The following ERBB2 variants were observed in gnomAD, a reference collection of about 807,000 sequenced individuals.
ERBB2 encodes erb-b2 receptor tyrosine kinase 2, also known as receptor tyrosine-protein kinase erbB-2.
In ERBB2, 61 loss-of-function variants were observed where a neutral mutation model predicts 149.0. That is an observed-to-expected ratio of 0.41 (90% CI 0.33 to 0.51). The LOEUF is 0.51. Ranked by LOEUF, ERBB2 falls within the 20% of genes least tolerant of loss-of-function variation. ERBB2 has a pLI of 0.25. For synonymous variants in ERBB2, 633 were observed against 678.8 expected, an observed-to-expected ratio of 0.93 and a Z score of 1.05; for missense variants, 1,205 against 1,655.1, an observed-to-expected ratio of 0.73 and a Z score of 4.72.
rs2145574915 is a variant in ERBB2 at position 39,712,319 on chromosome 17, C to T, written c.1022-3C>T. ...CCTTCCCCACCCACCCCCACCTCCT[C>T]AGTGTGCTATGGTCTGGGCATGGAG... On this transcript the variant is annotated splice_region_variant and splice_polypyrimidine_tract_variant and intron_variant, in intron 8 of 26. Transcript: ENST00000269571. 2 of 1,610,680 alleles carry T rather than the reference C, an allele frequency of 1.2e-6. No individual in the cohort carries two copies. The highest frequency in any genetic ancestry group is 8.5e-7 in the Non-Finnish European group (1 of 1,177,148).
chr17:39,716,643 G>T (rs775274462), intron 14 of ERBB2, 38 bp downstream of exon 14: 2 of 1,575,966 alleles, frequency 1.3e-6, no homozygotes, highest in Non-Finnish European at 1.7e-6. Context: ...GTGGAGGGGG[G>T]CAGCGAGGGG....
chr17:39,725,469 G>T lies in ERBB2; in HGVS notation c.2725+67G>T. The T allele has an allele frequency of 1.3e-6, 2 of 1,524,814 alleles. No homozygotes were observed. Among genetic ancestry groups the T allele is most frequent in the Non-Finnish European group, 9.1e-7 (1 of 1,102,376 alleles). 94.5% of individuals were successfully genotyped at this position (1,524,814 alleles called of 1,614,324 possible). ...TGGCTGGAGGGAGGATGAGAGCTGGGATGGGGAGAATTACGGGGCCACCTC... is the reference window on the plus strand; with the variant it reads ...TGGCTGGAGGGAGGATGAGAGCTGGTATGGGGAGAATTACGGGGCCACCTC... On this transcript the variant is annotated intron_variant, in intron 22 of 26. Coordinates refer to ENST00000269571, the MANE Select transcript of ERBB2 (RefSeq NM_004448.4). This position sits in a 1 kb window ranked among gnomAD's most constrained non-coding sequence, Gnocchi z 4.6.
At chr17:39,715,646 A>G (rs2059076314) in intron 11 of ERBB2, 94 bp from the exon 12 acceptor site, 1 of 1,560,192 alleles carries the variant, frequency 6.4e-7, no homozygotes, top group African/African-American at 1.4e-5. Flanking sequence ...TTTCCATGAA[A>G]GTCTGCAGAG....
At chr17:39,706,449 C>T (rs2058443491) in intron 1 of ERBB2, among the ~76,000 whole-genome samples, 1 of 152,188 alleles carries the variant, frequency 6.6e-6, no homozygotes, top group African/African-American at 2.4e-5. Flanking sequence ...GCCTCAGCTG[C>T]AACTCCAGCT....
chr17:39,699,418 G>A (rs1056514333), upstream of ERBB2: 21 of 715,076 alleles, frequency 2.9e-5, no homozygotes, highest in Admixed American at 1.6e-4. Flanking sequence ...CAGAGATCGC[G>A]CCATTGCTCT....
At position 39,723,246 on chromosome 17, in the gene ERBB2, TCCCCCGTGGG is replaced by T; in HGVS notation, c.1947-67_1947-58del. On this transcript the variant is annotated intron_variant, in intron 16 of 26. Coordinates refer to ENST00000269571, the MANE Select transcript of ERBB2 (RefSeq NM_004448.4). The surrounding 1 kb of genome is among the most constrained non-coding windows in gnomAD (Gnocchi z 6.2). ...TTTCCGAATGCCAAACACCTTCATGTCCCCCGTGGGCCCCCTTTGTCCCTCCCACCCCAAA... is the reference window on the plus strand; with the variant it reads ...TTTCCGAATGCCAAACACCTTCATGTCCCCCTTTGTCCCTCCCACCCCAAA... 1 of 1,475,450 alleles carries T rather than the reference TCCCCCGTGGG, an allele frequency of 6.8e-7. No homozygotes were observed. Among genetic ancestry groups the T allele is most frequent in the South Asian group, 1.2e-5 (1 of 83,544 alleles). 91.4% of individuals were successfully genotyped at this position (1,475,450 alleles called of 1,614,324 possible).
chr17:39,694,216 A>T (rs2057781264), upstream of ERBB2, among the ~76,000 whole-genome samples: 10 of 50,238 alleles, frequency 2.0e-4, no homozygotes, highest in African/African-American at 8.0e-4. Flanking sequence ...AAAAAAAAAA[A>T]AAAAAAAAAA....
At chr17:39,712,079 A>G (rs1281145449) in intron 8 of ERBB2, 32 bp downstream of exon 8, 1 of 1,613,518 alleles carries the variant, frequency 6.2e-7, no homozygotes, top group South Asian at 1.1e-5. Context: ...GGCCAGCTGC[A>G]GTTCCTGTCC....
chr17:39,698,123 G>T (rs550777900), upstream of ERBB2, among the ~76,000 whole-genome samples: 1 of 152,252 alleles, frequency 6.6e-6, no homozygotes, highest in Admixed American at 6.5e-5. Context: ...CAAGTATTGC[G>T]CTGAGTGCTT....
At chr17:39,693,680 C>A (rs2145203348), upstream of ERBB2, among the ~76,000 whole-genome samples, 1 of 151,340 alleles carries the variant, frequency 6.6e-6, no homozygotes, top group South Asian at 2.1e-4. Flanking sequence ...ATTGCTTGAA[C>A]CCGGGAGGCA....
Position 39,724,272 on chromosome 17 carries a change from A to ATTTTTTTTT in ERBB2, c.2307+270_2307+278dup, listed in dbSNP as rs71149796. Among the ~76,000 whole-genome samples the ATTTTTTTTT allele has an allele frequency of 5.3e-3, 410 of 76,958 alleles. 88 individuals are homozygous for ATTTTTTTTT. The highest frequency in any genetic ancestry group is 6.5e-3 in the Non-Finnish European group (241 of 37,200). 50.5% of individuals were successfully genotyped at this position (76,958 alleles called of 152,430 possible). A position where few individuals can be genotyped will look rare whatever the true frequency, so the allele number is the denominator to read the frequency against. On this transcript the variant is annotated intron_variant, in intron 19 of 26. Transcript: ENST00000269571. Reference sequence around the variant, plus strand: ...TAGCTGGGATTACAAGCGCCCGCTAATTTTTTTTTTTTTTTTGAGACAGAG... The same window carrying ATTTTTTTTT: ...TAGCTGGGATTACAAGCGCCCGCTAATTTTTTTTTTTTTTTTTTTTTTTTTGAGACAGAG...
intron 1 of ERBB2, among the ~76,000 whole-genome samples, chr17:39,705,376 G>A (rs1302514202): frequency 2.6e-5 from 4 of 152,204 alleles, no homozygotes; most frequent in East Asian, 1.9e-4. Context: ...GGCTGAGGCC[G>A]GGGGAGGTCC....
rs763563796 is a variant in ERBB2 at position 39,725,413 on chromosome 17, G to A, written c.2725+11G>A. ...ATGTGTGGAGTTATGGTGTGTGATG[G>A]GGGGTGTTGGGAGGGGTGGGTGAGG... On this transcript the variant is annotated intron_variant, in intron 22 of 26. Transcript: ENST00000269571. The surrounding 1 kb of genome is among the most constrained non-coding windows in gnomAD (Gnocchi z 4.6). 2 of 1,612,306 alleles carry A rather than the reference G, an allele frequency of 1.2e-6. No homozygotes were observed. Among genetic ancestry groups the A allele is most frequent in the South Asian group, 1.1e-5 (1 of 91,040 alleles).
chr17:39,718,450 A>T (rs1182980288), intron 15 of ERBB2, among the ~76,000 whole-genome samples: 1 of 152,202 alleles, frequency 6.6e-6, no homozygotes, highest in East Asian at 1.9e-4. Flanking sequence ...TTATATAGAC[A>T]TACTACATTT....
At chr17:39,718,987 A>G (rs2059302292) in intron 15 of ERBB2, among the ~76,000 whole-genome samples, 1 of 151,628 alleles carries the variant, frequency 6.6e-6, no homozygotes, top group Non-Finnish European at 1.5e-5. Context: ...CAGGCTGGGC[A>G]TGGTGGCTCA....
rs902176150 is a variant in ERBB2 at position 39,719,272 on chromosome 17, GA to G, written c.1899-504del. ...TGCAACTCCTTCTCAAGAAAAAAAA[GA>G]AAAAAAAAAAGAATATGGGTCCAGA... On this transcript the variant is annotated intron_variant, in intron 15 of 26. Transcript: ENST00000269571. 1.4e-3 allele frequency among the ~76,000 whole-genome samples: 191 copies of G among 139,776 alleles called. 6 individuals carry two copies. The East Asian group carries it at 0.023, about 17-fold the overall frequency. The allele number at this position is 139,776 out of a possible 152,430, so 91.7% of individuals were successfully genotyped here.
rs1232607400 is a variant in ERBB2, at chr17:39,723,697, A to G, written c.2208+37A>G. ...GTCCTGGGGTGGGCGGCCCCAGAGG[A>G]TGGGGGCGGTGCCTGGAGGGGTGTG... On this transcript the variant is annotated intron_variant, in intron 18 of 26. Transcript: ENST00000269571. The surrounding 1 kb of genome is among the most constrained non-coding windows in gnomAD (Gnocchi z 6.2). 1 of 1,584,256 alleles carries G rather than the reference A, an allele frequency of 6.3e-7. No homozygotes were observed. The highest frequency in any genetic ancestry group is 1.9e-4 in the Middle Eastern group (1 of 5,262).
Position 39,712,393 on chromosome 17 carries a change from G to A in ERBB2, c.1093G>A (p.Ala365Thr), listed in dbSNP as rs1324411001. The A allele has an allele frequency of 6.2e-7, 1 of 1,601,010 alleles. No homozygotes were observed. Among genetic ancestry groups the A allele is most frequent in the Middle Eastern group, 1.7e-4 (1 of 6,014 alleles). ...AVTSANIQEF[A>T]GCKKIFGSLA... ...TACCAGTGCCAATATCCAGGAGTTT[G>A]CTGGCTGCAAGAAGATCTTTGGGAG... The change falls in exon 9 of 27, where the codon GCT (alanine) becomes ACT (threonine). Residue 365 changes from alanine (A) to threonine (T), a missense_variant. Around this residue, in one of 6 missense-constraint regions of ERBB2, gnomAD observed 569 missense variants for 803.5 expected, o/e 0.71. Coordinates refer to ENST00000269571, the MANE Select transcript of ERBB2 (RefSeq NM_004448.4).
At chr17:39,691,077 G>A (rs1197943286), upstream of ERBB2, among the ~76,000 whole-genome samples, 1 of 151,994 alleles carries the variant, frequency 6.6e-6, no homozygotes, top group Non-Finnish European at 1.5e-5. Context: ...AGGCTCAACG[G>A]CAAGCTGACC....
Sources: allele counts gnomAD v4.1 joint callset (sites outside exome capture counted in the v4.1 genomes callset), GRCh38; gene constraint gnomAD v4.1.1; regional missense constraint gnomAD v4.1.1; non-coding constraint Gnocchi (gnomAD v3.1); transcripts MANE v1.5; gene names NCBI Gene and HGNC (gene_info 2026-07-23, HGNC 2026-07-21).